Variants in OCA2 observed in about 807,000 individuals in gnomAD.
The protein encoded by OCA2 is OCA2 melanosomal transmembrane protein.
Under a neutral mutation model 100.2 loss-of-function variants are expected in OCA2, and 77 were observed. The observed-to-expected ratio is 0.77, with a 90% CI of 0.64 to 0.93. OCA2 has a LOEUF of 0.93. Among genes scored for constraint, OCA2 ranks in the 40% least tolerant of loss-of-function variants. The pLI, the probability that OCA2 is intolerant of heterozygous loss-of-function variation, is 0.00. For missense variants in OCA2, 1,062 were observed against 1,089.1 expected (o/e 0.98, Z 0.35); for synonymous variants, 432 against 439.2 (o/e 0.98, Z 0.21).
At chr15:27,986,218 G>A (rs1054238814) in intron 12 of OCA2, among the ~76,000 whole-genome samples, 7 of 152,140 alleles carry the variant, frequency 4.6e-5, no homozygotes, top group Non-Finnish European at 7.3e-5. Flanking sequence ...AAGGAATCAT[G>A]GAAATTATTT....
the OCA2 span, among the ~76,000 whole-genome samples, chr15:27,727,841 C>T: frequency 6.6e-6 from 1 of 152,188 alleles, no homozygotes; most frequent in Non-Finnish European, 1.5e-5. Flanking sequence ...GAGACCCACA[C>T]CCAAACGGAG....
chr15:27,800,992 A>G (rs1321872954), intron 23 of OCA2, among the ~76,000 whole-genome samples: 1 of 152,064 alleles, frequency 6.6e-6, no homozygotes, highest in African/African-American at 2.4e-5. Context: ...TTGAAATCAT[A>G]ATGCAAAACC....
At chr15:28,021,747 G>A (rs2042599823) in intron 6 of OCA2, among the ~76,000 whole-genome samples, 1 of 152,160 alleles carries the variant, frequency 6.6e-6, no homozygotes. Context: ...TGCTTGGGAA[G>A]CGCATCTAAT....
At chr15:27,919,103 T>C (rs2038770572) in intron 19 of OCA2, among the ~76,000 whole-genome samples, 1 of 152,216 alleles carries the variant, frequency 6.6e-6, no homozygotes, top group Non-Finnish European at 1.5e-5. Context: ...GAATCATGAT[T>C]ACTCTCATAC....
intron 2 of OCA2, among the ~76,000 whole-genome samples, chr15:28,066,263 G>A (rs930683445): frequency 2.0e-5 from 3 of 152,040 alleles, no homozygotes; most frequent in Non-Finnish European, 4.4e-5. Context: ...CAAACAAATG[G>A]AAAGATAAGC....
intron 23 of OCA2, among the ~76,000 whole-genome samples, chr15:27,787,530 G>A (rs915415492): frequency 2.0e-5 from 3 of 151,860 alleles, no homozygotes; most frequent in Non-Finnish European, 2.9e-5. Context: ...ATTTGTTAGC[G>A]TAACATTGTT....
chr15:27,821,482 G>C (rs188113135), intron 23 of OCA2, among the ~76,000 whole-genome samples: 1 of 151,878 alleles, frequency 6.6e-6, no homozygotes, highest in Non-Finnish European at 1.5e-5. Context: ...CTATGCATAT[G>C]CACGCACACC....
chr15:27,983,219 T>G, intron 14 of OCA2, 126 bp downstream of exon 14: 3 of 1,160,522 alleles, frequency 2.6e-6, no homozygotes, highest in Non-Finnish European at 3.8e-6. Flanking sequence ...AGATGCCCAG[T>G]AGCACTTACT....
At chr15:27,978,375 A>G (rs893591127) in intron 14 of OCA2, among the ~76,000 whole-genome samples, 1 of 152,164 alleles carries the variant, frequency 6.6e-6, no homozygotes, top group Admixed American at 6.6e-5. Context: ...TCTTTCAATT[A>G]TTGTGAGAAT....
intron 2 of OCA2, among the ~76,000 whole-genome samples, chr15:28,066,592 C>T (rs1434730691): frequency 6.6e-6 from 1 of 152,122 alleles, no homozygotes; most frequent in African/African-American, 2.4e-5. Flanking sequence ...AGACAGCAGA[C>T]CCTAAAAGAA....
chr15:27,971,374 G>A (rs1246052783), intron 14 of OCA2, among the ~76,000 whole-genome samples: 1 of 152,158 alleles, frequency 6.6e-6, no homozygotes, highest in Non-Finnish European at 1.5e-5. Context: ...GAATAGTTTT[G>A]CTCACCATGG....
chr15:27,807,149 T>C (rs2033890433), intron 23 of OCA2, among the ~76,000 whole-genome samples: 1 of 152,228 alleles, frequency 6.6e-6, no homozygotes, highest in African/African-American at 2.4e-5. Context: ...TGGGTGATGC[T>C]TACCAGGGAG....
chr15:27,859,157 G>T (rs2036043129), intron 21 of OCA2, among the ~76,000 whole-genome samples: 1 of 152,000 alleles, frequency 6.6e-6, no homozygotes, highest in African/African-American at 2.4e-5. Flanking sequence ...CTAGTAGAAT[G>T]AGGGAAATAA....
At chr15:27,965,360 T>C (rs1489867848) in intron 15 of OCA2, among the ~76,000 whole-genome samples, 6 of 152,248 alleles carry the variant, frequency 3.9e-5, no homozygotes, top group Admixed American at 1.3e-4. Flanking sequence ...TGGGTTGAAC[T>C]AGGTCCAGCC....
At chr15:28,089,668 G>A (rs1174108084) in intron 1 of OCA2, among the ~76,000 whole-genome samples, 1 of 152,154 alleles carries the variant, frequency 6.6e-6, no homozygotes, top group African/African-American at 2.4e-5. Flanking sequence ...AAGACGGATT[G>A]GCAGAGTGAA....
At chr15:27,968,700 C>A (rs2040664631) in intron 14 of OCA2, among the ~76,000 whole-genome samples, 1 of 152,156 alleles carries the variant, frequency 6.6e-6, no homozygotes, top group Admixed American at 6.5e-5. Flanking sequence ...CTTGCAGTTA[C>A]CGGCACATCC....
chr15:28,071,436 C>T (rs1398694696), intron 2 of OCA2, among the ~76,000 whole-genome samples: 1 of 152,064 alleles, frequency 6.6e-6, no homozygotes, highest in Non-Finnish European at 1.5e-5. Context: ...CCATATGGAA[C>T]CAAAAAAAGA....
chr15:28,067,495 T>C lies in OCA2; in HGVS notation c.227+14153A>G, dbSNP rs191489128. On this transcript the variant is annotated intron_variant, in intron 2 of 23. Coordinates refer to ENST00000354638, the MANE Select transcript of OCA2 (RefSeq NM_000275.3). Reference sequence around the variant, plus strand: ...AGGCATTTAGGGCTACAATCTTTCTTCCTAATGCTGTATCTCAGAGATTTT... The same window carrying C: ...AGGCATTTAGGGCTACAATCTTTCTCCCTAATGCTGTATCTCAGAGATTTT... Among the ~76,000 whole-genome samples, 63 of 152,338 alleles carry C rather than the reference T, an allele frequency of 4.1e-4. No individual in the cohort carries two copies. The East Asian group carries it at 7.5e-3, about 18-fold the overall frequency.
intron 21 of OCA2, among the ~76,000 whole-genome samples, chr15:27,869,628 G>A (rs72710559): frequency 0.013 from 1,997 of 152,294 alleles, 16 homozygotes; most frequent in South Asian, 0.042. Flanking sequence ...GGATCTGGGT[G>A]CAAACCTCAG....
Sources: allele counts gnomAD v4.1 joint callset (sites outside exome capture counted in the v4.1 genomes callset), GRCh38; gene constraint gnomAD v4.1.1; transcripts MANE v1.5; gene names NCBI Gene and HGNC (gene_info 2026-07-23, HGNC 2026-07-21).